Variants in SPAG9 observed in about 807,000 individuals in gnomAD.
SPAG9 encodes C-Jun-amino-terminal kinase-interacting protein 4.
SPAG9 carries 35 observed loss-of-function variants against 166.5 expected under a neutral mutation model. The observed-to-expected ratio is 0.21, with a 90% confidence interval of 0.16 to 0.28. SPAG9 has a LOEUF of 0.28. SPAG9 is among the 10% of genes least tolerant of loss of function. SPAG9 has a pLI of 1.00. For missense variants in SPAG9, 1,235 were observed against 1,603.3 expected, an observed-to-expected ratio of 0.77 and a Z score of 3.92; for synonymous variants, 534 against 565.5, an observed-to-expected ratio of 0.94 and a Z score of 0.79.
chr17:51,008,645 T>C (rs1002195095), intron 9 of SPAG9, among the ~76,000 whole-genome samples: 2 of 152,134 alleles, frequency 1.3e-5, no homozygotes, highest in Admixed American at 1.3e-4. Flanking sequence ...CCTGGACTCA[T>C]ATTTTGTCTA....
In SPAG9 at chr17:50,996,606, C is replaced by T. The variant is rs2044692975; in HGVS notation, c.1927G>A (p.Val643Met). ...GGCAGACTCCAGCCAAAAGCCTGCA[C>T]TCTACCGTCTTCCTTCTGAACATGT... is the stretch of plus-strand genomic sequence containing the variant. ...KAHVQKEDGR[V>M]QAFGWSLPQK... Residue 643 changes from valine (V) to methionine (M), a missense_variant, in exon 16 of 30, where the codon GTG (valine) becomes ATG (methionine). Val to Met is a conservative substitution (Grantham distance 21, BLOSUM62 1). Coordinates refer to ENST00000262013, the MANE Select transcript of SPAG9 (RefSeq NM_001130528.3). 5 of 1,614,196 alleles carry T rather than the reference C, an allele frequency of 3.1e-6. No homozygotes were observed. Among genetic ancestry groups the T allele is most frequent in the Non-Finnish European group, 4.2e-6 (5 of 1,180,034 alleles).
At chr17:51,035,521 C>T (rs1470504193) in intron 5 of SPAG9, among the ~76,000 whole-genome samples, 7 of 152,196 alleles carry the variant, frequency 4.6e-5, no homozygotes, top group Non-Finnish European at 1.5e-5. Context: ...GAAATAGGAA[C>T]AATTTCAGAA....
chr17:51,062,694 A>ACC (rs2047550795), intron 2 of SPAG9, among the ~76,000 whole-genome samples: 3 of 152,252 alleles, frequency 2.0e-5, no homozygotes, highest in Middle Eastern at 3.4e-3. Context: ...AGGTTCGAGC[A>ACC]ATTCTCGTGC....
At chr17:51,064,241 T>C (rs1388288184) in intron 2 of SPAG9, among the ~76,000 whole-genome samples, 1 of 152,220 alleles carries the variant, frequency 6.6e-6, no homozygotes, top group East Asian at 1.9e-4. Flanking sequence ...ATATACTACC[T>C]ACTCCTAGTA....
chr17:50,980,447 T>C (rs914612304), intron 25 of SPAG9, among the ~76,000 whole-genome samples: 12 of 151,870 alleles, frequency 7.9e-5, no homozygotes, highest in African/African-American at 2.9e-4. Context: ...TCAAGTGATC[T>C]GCCCACCTCG....
At chr17:50,976,488 T>C (rs908768241) in intron 27 of SPAG9, 5 of 154,422 alleles carry the variant, frequency 3.2e-5, no homozygotes, top group African/African-American at 1.2e-4. Context: ...GAAGTGTATA[T>C]GTATTAATGT....
At chr17:51,114,549 G>A (rs2049225688) in intron 1 of SPAG9, among the ~76,000 whole-genome samples, 1 of 152,174 alleles carries the variant, frequency 6.6e-6, no homozygotes, top group African/African-American at 2.4e-5. Context: ...AGAACTGCTT[G>A]AATCCAGAAG....
chr17:51,086,813 T>C (rs898770950), intron 1 of SPAG9, among the ~76,000 whole-genome samples: 3 of 152,108 alleles, frequency 2.0e-5, no homozygotes, highest in African/African-American at 4.8e-5. Flanking sequence ...TCCCAGCTAC[T>C]TGGGAGGCTG....
chr17:51,108,779 G>A (rs1305660253), intron 1 of SPAG9, among the ~76,000 whole-genome samples: 2 of 152,052 alleles, frequency 1.3e-5, no homozygotes, highest in African/African-American at 4.8e-5. Context: ...TTATAAGCAT[G>A]AGCCACTGTG....
intron 6 of SPAG9, among the ~76,000 whole-genome samples, chr17:51,027,981 T>C (rs2046250071): frequency 6.6e-6 from 1 of 151,868 alleles, no homozygotes. Context: ...AGGTGGAAGA[T>C]ACTGACATTG....
rs1056911891 is a variant in SPAG9, at chr17:50,970,913, G to T, written c.3701-57C>A. 1,625 of 1,120,724 alleles carry T rather than the reference G, an allele frequency of 1.4e-3. 2 individuals are homozygous for T. Among genetic ancestry groups the T allele is most frequent in the South Asian group, 4.0e-3 (249 of 61,546 alleles). The allele number at this position is 1,120,724 out of a possible 1,614,324, so 69.4% of individuals were successfully genotyped here. A position where few individuals can be genotyped will look rare whatever the true frequency, so the allele number is the denominator to read the frequency against. On this transcript the variant is annotated intron_variant, in intron 28 of 29. Coordinates refer to ENST00000262013, the MANE Select transcript of SPAG9 (RefSeq NM_001130528.3). The stretch of plus-strand genomic sequence containing the variant: ...CTTATCACAGAAGGGAGGCTGTTTT[G>T]TTTTTTTTTTTTAAGTATTTTTAGA...
At chr17:51,080,886 CAAAAAAAAAA>C (rs200436430) in intron 1 of SPAG9, among the ~76,000 whole-genome samples, 58 of 67,838 alleles carry the variant, frequency 8.5e-4, no homozygotes, top group Admixed American at 9.8e-4. Flanking sequence ...GACTCTATCT[CAAAAAAAAAA>C]AAAAAAAAAA....
intron 4 of SPAG9, chr17:51,046,685 A>AC: frequency 6.5e-7 from 1 of 1,535,972 alleles, no homozygotes. Flanking sequence ...ATGGTGAAAC[A>AC]CCCGAACCAA....
At chr17:51,077,061 T>TCTAG (rs1207956785) in intron 2 of SPAG9, among the ~76,000 whole-genome samples, 3 of 109,656 alleles carry the variant, frequency 2.7e-5, no homozygotes, top group East Asian at 2.6e-4. Context: ...TAGCTAGCTA[T>TCTAG]CTAGCTAGCT....
At chr17:51,034,753 A>C (rs1306731379) in intron 5 of SPAG9, among the ~76,000 whole-genome samples, 4 of 152,212 alleles carry the variant, frequency 2.6e-5, no homozygotes, top group Admixed American at 2.0e-4. Context: ...TGTGGATGCT[A>C]AAATCAGTGA....
intron 19 of SPAG9, among the ~76,000 whole-genome samples, chr17:50,992,025 C>T (rs986164373): frequency 4.8e-5 from 7 of 147,014 alleles, no homozygotes; most frequent in Non-Finnish European, 6.0e-5. Context: ...GCAGTCTTGA[C>T]CTCCCCGACT....
chr17:51,071,052 C>T (rs1161431977), intron 2 of SPAG9, among the ~76,000 whole-genome samples: 3 of 152,104 alleles, frequency 2.0e-5, no homozygotes, highest in African/African-American at 7.2e-5. Flanking sequence ...GTAGGCCATA[C>T]GCATAATCTT....
At chr17:51,016,000 A>G (rs2045682294) in intron 8 of SPAG9, among the ~76,000 whole-genome samples, 1 of 152,142 alleles carries the variant, frequency 6.6e-6, no homozygotes, top group Non-Finnish European at 1.5e-5. Context: ...TTAAAAAATC[A>G]AGAAAGTGAC....
At chr17:51,104,505 G>A (rs1167362640) in intron 1 of SPAG9, among the ~76,000 whole-genome samples, 2 of 152,004 alleles carry the variant, frequency 1.3e-5, no homozygotes, top group African/African-American at 4.8e-5. Context: ...GTGTGGTGGC[G>A]CTTGCCTGTA....
Sources: allele counts gnomAD v4.1 joint callset (sites outside exome capture counted in the v4.1 genomes callset), GRCh38; gene constraint gnomAD v4.1.1; transcripts MANE v1.5; gene names NCBI Gene and HGNC (gene_info 2026-07-23, HGNC 2026-07-21).